GHR: variants seen among roughly 807,000 people sequenced by gnomAD.
The protein encoded by GHR is GH receptor.
In GHR, 35 loss-of-function variants were observed where a neutral mutation model predicts 67.1. The ratio of observed to expected loss-of-function variants is 0.52; its 90% CI spans 0.40 to 0.69. The LOEUF is 0.69. Ranked by LOEUF, GHR falls within the 30% of genes least tolerant of loss-of-function variation. GHR has a pLI of 0.00. For missense variants in GHR, 792 were observed against 764.6 expected, an observed-to-expected ratio of 1.04 and a Z score of -0.42; for synonymous variants, 272 against 269.1, an observed-to-expected ratio of 1.01 and a Z score of -0.10.
intron 1 of GHR, among the ~76,000 whole-genome samples, chr5:42,448,797 A>G (rs1018207171): frequency 6.6e-6 from 1 of 151,846 alleles, no homozygotes; most frequent in Non-Finnish European, 1.5e-5. Flanking sequence ...GTCCATCCTG[A>G]ATTGATTTTT....
intron 1 of GHR, among the ~76,000 whole-genome samples, chr5:42,426,305 C>T (rs1742851789): frequency 6.6e-6 from 1 of 152,182 alleles, no homozygotes; most frequent in South Asian, 2.1e-4. Flanking sequence ...CTTGGCTAGC[C>T]TTCTTTGGCT....
chr5:42,679,086 A>G (rs1756713096), intron 3 of GHR, among the ~76,000 whole-genome samples: 2 of 145,454 alleles, frequency 1.4e-5, no homozygotes, highest in Non-Finnish European at 3.0e-5. Context: ...ATATTATACT[A>G]ATATTAGTAT....
intron 3 of GHR, among the ~76,000 whole-genome samples, chr5:42,670,471 A>C (rs1172720890): frequency 6.6e-6 from 1 of 152,228 alleles, no homozygotes; most frequent in Non-Finnish European, 1.5e-5. Context: ...CAGAAGTTTC[A>C]TGGATATGAC....
In GHR at chr5:42,664,760, A is replaced by C. The variant is rs180854837; in HGVS notation, c.137-24130A>C. ...TTGACAAATGGGGTCTAATTAAACT[A>C]AAGAGCTTCTGCACAGCAAAAGAAA... is the stretch of plus-strand genomic sequence containing the variant. On this transcript the variant is annotated intron_variant, in intron 3 of 9. Transcript: ENST00000230882. Among the ~76,000 whole-genome samples the C allele has an allele frequency of 3.8e-3, 572 of 152,334 alleles. 1 individual carries two copies. The highest frequency in any genetic ancestry group is 0.013 in the African/African-American group (554 of 41,574).
At chr5:42,475,169 C>T (rs569672294) in intron 1 of GHR, among the ~76,000 whole-genome samples, 22 of 152,194 alleles carry the variant, frequency 1.4e-4, no homozygotes, top group Admixed American at 9.2e-4. Flanking sequence ...TGAGCCACCG[C>T]GCCCAGCCTG....
intron 2 of GHR, among the ~76,000 whole-genome samples, chr5:42,590,883 T>G (rs983561220): frequency 6.6e-6 from 1 of 152,208 alleles, no homozygotes; most frequent in South Asian, 2.1e-4. Context: ...TATCCAGCTG[T>G]GCAATTGTTT....
At chr5:42,698,014 G>T (rs1339101219) in intron 5 of GHR, among the ~76,000 whole-genome samples, 1 of 152,116 alleles carries the variant, frequency 6.6e-6, no homozygotes, top group African/African-American at 2.4e-5. Context: ...GATGAGCCAA[G>T]GACAAGTTCA....
chr5:42,431,581 ACTT>A (rs2111895931), intron 1 of GHR, among the ~76,000 whole-genome samples: 1 of 152,318 alleles, frequency 6.6e-6, no homozygotes, highest in African/African-American at 2.4e-5. Context: ...TCAGCAGATA[ACTT>A]CTTCTACAGA....
intron 1 of GHR, among the ~76,000 whole-genome samples, chr5:42,557,069 T>C (rs184507854): frequency 2.1e-4 from 32 of 152,246 alleles, no homozygotes; most frequent in Non-Finnish European, 1.9e-4. Context: ...ACAAAACAAA[T>C]TATCCAAACC....
chr5:42,500,138 G>C (rs537135083), intron 1 of GHR, among the ~76,000 whole-genome samples: 2 of 152,206 alleles, frequency 1.3e-5, no homozygotes, highest in Non-Finnish European at 2.9e-5. Flanking sequence ...TGGCAGCCCT[G>C]TAGCTACGCC....
rs1742755661 is a variant in GHR at position 42,424,482 on chromosome 5, T to C, written c.-12+527T>C. 1.1e-6 allele frequency: 1 copy of C among 928,490 alleles called. No homozygotes were observed. The highest frequency in any genetic ancestry group is 1.6e-5 in the African/African-American group (1 of 61,654). 57.5% of individuals were successfully genotyped at this position (928,490 alleles called of 1,614,324 possible). On this transcript the variant is annotated intron_variant, in intron 1 of 9. Transcript: ENST00000230882. This position sits in a 1 kb window ranked among gnomAD's most constrained non-coding sequence, Gnocchi z 4.1. Reference sequence around the variant, plus strand: ...GACTGGGGAGGTCGAGCTGTGCGCGTGGACACAGCGCGCAGAGCGCGCGGT... The same window carrying C: ...GACTGGGGAGGTCGAGCTGTGCGCGCGGACACAGCGCGCAGAGCGCGCGGT...
chr5:42,432,062 T>C (rs1579686495), intron 1 of GHR, among the ~76,000 whole-genome samples: 1 of 152,206 alleles, frequency 6.6e-6, no homozygotes, highest in South Asian at 2.1e-4. Context: ...TGCTAGACAT[T>C]TGCTGTAGTA....
intron 1 of GHR, chr5:42,468,121 G>T: frequency 1.6e-6 from 2 of 1,213,362 alleles, no homozygotes; most frequent in Non-Finnish European, 2.4e-6. Flanking sequence ...GAAGGTTCTT[G>T]GTTTCAGCAC....
chr5:42,563,967 G>C (rs1026315736), intron 1 of GHR, among the ~76,000 whole-genome samples: 41 of 152,244 alleles, frequency 2.7e-4, no homozygotes, highest in African/African-American at 9.6e-4. Context: ...TTGGGAGGGA[G>C]AGATGCTCAG....
intron 1 of GHR, among the ~76,000 whole-genome samples, chr5:42,509,394 C>T (rs1746915747): frequency 6.6e-6 from 1 of 152,194 alleles, no homozygotes; most frequent in Non-Finnish European, 1.5e-5. Context: ...CCAACAATTA[C>T]TTCTCATACC....
intron 1 of GHR, among the ~76,000 whole-genome samples, chr5:42,425,914 GAA>G (rs943421168): frequency 2.0e-5 from 3 of 152,170 alleles, no homozygotes; most frequent in African/African-American, 7.2e-5. Flanking sequence ...GGTGTGAAAT[GAA>G]AGTCTATAAA....
intron 1 of GHR, among the ~76,000 whole-genome samples, chr5:42,516,700 A>T (rs1747253282): frequency 6.6e-6 from 1 of 152,130 alleles, no homozygotes; most frequent in Non-Finnish European, 1.5e-5. Context: ...CTGAGAAGAG[A>T]TATATAGACA....
At chr5:42,448,951 T>C (rs186074414) in intron 1 of GHR, among the ~76,000 whole-genome samples, 6 of 152,304 alleles carry the variant, frequency 3.9e-5, no homozygotes, top group Non-Finnish European at 4.4e-5. Context: ...TGTAAGCATT[T>C]GCCTTTATTT....
chr5:42,430,769 A>G (rs1056309186), intron 1 of GHR, among the ~76,000 whole-genome samples: 3 of 152,040 alleles, frequency 2.0e-5, no homozygotes, highest in African/African-American at 7.2e-5. Context: ...TACATTTCAA[A>G]CATTCATTTC....
Sources: gnomAD v4.1 joint callset for allele counts (sites outside exome capture counted in the v4.1 genomes callset) on GRCh38, gnomAD v4.1.1 for gene constraint, Gnocchi (gnomAD v3.1) non-coding constraint, MANE v1.5 for transcripts, NCBI Gene and HGNC (gene_info 2026-07-23, HGNC 2026-07-21) for gene names.